Variants in SLC24A2 observed in about 807,000 individuals in gnomAD.
The protein encoded by SLC24A2 is solute carrier family 24 member 2, also known as sodium/potassium/calcium exchanger 2.
A neutral mutation model predicts 62.0 loss-of-function variants in SLC24A2; 36 were observed. The ratio of observed to expected loss-of-function variants is 0.58; its 90% confidence interval spans 0.44 to 0.77. SLC24A2 has a LOEUF of 0.77. Among genes scored for constraint, SLC24A2 ranks in the 30% least tolerant of loss-of-function variants. The pLI is 0.00. For missense variants in SLC24A2, 846 were observed against 817.9 expected (o/e 1.03, Z -0.42); for synonymous variants, 358 against 294.0 (o/e 1.22, Z -2.23).
chr9:19,780,624 C>A (rs1056360954), intron 2 of SLC24A2, among the ~76,000 whole-genome samples: 17 of 151,324 alleles, frequency 1.1e-4, no homozygotes, highest in Admixed American at 6.6e-4. Context: ...TGTAGGCTCA[C>A]GCCTGTAATC....
At chr9:20,265,618 C>T in the SLC24A2 span, among the ~76,000 whole-genome samples, 6 of 152,086 alleles carry the variant, frequency 3.9e-5, no homozygotes, top group South Asian at 4.1e-4. Flanking sequence ...GTGATGATTG[C>T]GTTAACTGCA....
chr9:20,041,111 G>C, the SLC24A2 span, among the ~76,000 whole-genome samples: 125 of 152,356 alleles, frequency 8.2e-4, no homozygotes, highest in South Asian at 4.8e-3. Flanking sequence ...GCTTGCATAT[G>C]AGAATGAGGA....
intron 6 of SLC24A2, among the ~76,000 whole-genome samples, chr9:19,574,908 G>A (rs896218565): frequency 3.3e-5 from 5 of 152,176 alleles, no homozygotes; most frequent in African/African-American, 1.2e-4. Context: ...GTATCAGAAT[G>A]CTCATCATTG....
chr9:20,125,104 C>T, the SLC24A2 span, among the ~76,000 whole-genome samples: 2 of 152,082 alleles, frequency 1.3e-5, no homozygotes. Context: ...GTACAAAATG[C>T]CCAGTTCATA....
intron 7 of SLC24A2, among the ~76,000 whole-genome samples, chr9:19,566,650 G>A (rs1285929486): frequency 6.6e-6 from 1 of 152,158 alleles, no homozygotes; most frequent in Non-Finnish European, 1.5e-5. Context: ...CTGCTATAAA[G>A]GCACATGCAC....
chr9:20,201,647 CAA>C, the SLC24A2 span, among the ~76,000 whole-genome samples: 5 of 152,206 alleles, frequency 3.3e-5, no homozygotes, highest in East Asian at 3.8e-4. Context: ...CCTCATTCCA[CAA>C]AGAGTCCTTT....
the SLC24A2 span, among the ~76,000 whole-genome samples, chr9:20,054,204 A>G: frequency 3.4e-5 from 5 of 145,738 alleles, no homozygotes; most frequent in Non-Finnish European, 6.1e-5. Context: ...TTATGCTTTT[A>G]TTTTTGAGAT....
At chr9:19,608,316 GC>G (rs1278392538) in intron 4 of SLC24A2, among the ~76,000 whole-genome samples, 2 of 151,398 alleles carry the variant, frequency 1.3e-5, no homozygotes, top group African/African-American at 4.9e-5. Flanking sequence ...TCATTTTGAA[GC>G]TTTTTTTTTT....
the SLC24A2 span, among the ~76,000 whole-genome samples, chr9:19,803,221 G>A: frequency 2.0e-5 from 3 of 152,204 alleles, no homozygotes; most frequent in African/African-American, 7.2e-5. Flanking sequence ...ACTGAAATGA[G>A]AATGCTTCTT....
chr9:20,012,976 T>C, the SLC24A2 span, among the ~76,000 whole-genome samples: 1 of 152,108 alleles, frequency 6.6e-6, no homozygotes, highest in Non-Finnish European at 1.5e-5. Flanking sequence ...ATGTTCATAC[T>C]ATCCAAAGTT....
chr9:19,874,560 T>A, the SLC24A2 span, among the ~76,000 whole-genome samples: 1 of 152,224 alleles, frequency 6.6e-6, no homozygotes, highest in African/African-American at 2.4e-5. Context: ...CAAATATGCA[T>A]GCCTTTGACC....
the SLC24A2 span, among the ~76,000 whole-genome samples, chr9:20,094,390 G>C: frequency 6.6e-6 from 1 of 152,156 alleles, no homozygotes; most frequent in Non-Finnish European, 1.5e-5. Flanking sequence ...AAATGAGCCT[G>C]TCACTACAAC....
the SLC24A2 span, among the ~76,000 whole-genome samples, chr9:19,880,026 C>T: frequency 6.6e-6 from 1 of 152,044 alleles, no homozygotes; most frequent in Non-Finnish European, 1.5e-5. Context: ...AATAAAATGA[C>T]CTATAAGAGG....
At chr9:20,144,986 C>G in the SLC24A2 span, among the ~76,000 whole-genome samples, 1 of 152,082 alleles carries the variant, frequency 6.6e-6, no homozygotes, top group Non-Finnish European at 1.5e-5. Context: ...AGATGATCAT[C>G]AGATATGTTA....
chr9:19,923,222 T>C, the SLC24A2 span, among the ~76,000 whole-genome samples: 1 of 152,268 alleles, frequency 6.6e-6, no homozygotes, highest in African/African-American at 2.4e-5. Flanking sequence ...TTCTGAAAGA[T>C]GTCCAAGGAC....
chr9:19,524,269 A>C (rs894866377), intron 9 of SLC24A2, among the ~76,000 whole-genome samples: 5 of 152,156 alleles, frequency 3.3e-5, no homozygotes, highest in African/African-American at 1.2e-4. Context: ...ATAGTGGCTA[A>C]ATGAGACACA....
the SLC24A2 span, among the ~76,000 whole-genome samples, chr9:20,007,691 C>T: frequency 2.0e-5 from 3 of 151,904 alleles, no homozygotes; most frequent in East Asian, 5.8e-4. Context: ...TCCCTTTGGG[C>T]ATATTCCATT....
the SLC24A2 span, among the ~76,000 whole-genome samples, chr9:20,170,328 C>T: frequency 6.6e-6 from 1 of 151,950 alleles, no homozygotes; most frequent in Admixed American, 6.6e-5. Context: ...GGTAGCACTC[C>T]CATCAACTAA....
the SLC24A2 span, among the ~76,000 whole-genome samples, chr9:19,995,600 C>A: frequency 6.6e-6 from 1 of 152,170 alleles, no homozygotes; most frequent in Non-Finnish European, 1.5e-5. Flanking sequence ...CATTTAGGTA[C>A]CAGACATTCT....
Sources: allele counts gnomAD v4.1 joint callset (sites outside exome capture counted in the v4.1 genomes callset), GRCh38; gene constraint gnomAD v4.1.1; transcripts MANE v1.5; gene names NCBI Gene and HGNC (gene_info 2026-07-23, HGNC 2026-07-21).